The following DOCK10 variants were observed in gnomAD, a reference collection of about 807,000 sequenced individuals.
DOCK10 encodes the protein dedicator of cytokinesis 10.
A neutral mutation model predicts 280.1 loss-of-function variants in DOCK10; 145 were observed. That is an observed-to-expected ratio of 0.52 (90% CI 0.45 to 0.59). The LOEUF (loss-of-function observed/expected upper bound fraction) is 0.59. Ranked by LOEUF, DOCK10 falls within the 20% of genes least tolerant of loss-of-function variation. The pLI, the probability that DOCK10 is intolerant of heterozygous loss-of-function variation, is 0.00. For missense variants in DOCK10, 2,368 were observed against 2,651.7 expected, an observed-to-expected ratio of 0.89 and a Z score of 2.35; for synonymous variants, 915 against 942.2, an observed-to-expected ratio of 0.97 and a Z score of 0.53.
At chr2:224,917,194 C>T (rs1205875028) in intron 2 of DOCK10, among the ~76,000 whole-genome samples, 1 of 145,328 alleles carries the variant, frequency 6.9e-6, no homozygotes, top group East Asian at 2.1e-4. Context: ...CAACCTCCGC[C>T]TCCCAGGTTC....
chr2:224,899,750 CT>C (rs1308171011), intron 3 of DOCK10, among the ~76,000 whole-genome samples: 7 of 152,128 alleles, frequency 4.6e-5, no homozygotes, highest in Non-Finnish European at 8.8e-5. Context: ...TACTCTCCCC[CT>C]ATACCACCCT....
intron 1 of DOCK10, among the ~76,000 whole-genome samples, chr2:225,006,674 T>C (rs1689264630): frequency 6.6e-6 from 1 of 152,208 alleles, no homozygotes; most frequent in Admixed American, 6.5e-5. Flanking sequence ...CTTATTTGTA[T>C]TGATGGTTTC....
At position 224,864,855 on chromosome 2, in the gene DOCK10, C is replaced by CA; in HGVS notation, c.1479+10dup. On this transcript the variant is annotated intron_variant, in intron 12 of 55. Coordinates refer to ENST00000258390, the MANE Select transcript of DOCK10 (RefSeq NM_014689.3). The stretch of plus-strand genomic sequence containing the variant: ...CATTTTCCATCTCATCACAAGTAAA[C>CA]AAAGTGCCACCTGCTTTGGAAATTT... 2 of 1,613,766 alleles carry CA rather than the reference C, an allele frequency of 1.2e-6. No homozygotes were observed. Among genetic ancestry groups the CA allele is most frequent in the South Asian group, 2.2e-5 (2 of 91,082 alleles).
At chr2:224,795,167 T>A in intron 44 of DOCK10, 73 bp from the exon 45 acceptor site, 1 of 1,336,000 alleles carries the variant, frequency 7.5e-7, no homozygotes, top group Non-Finnish European at 1.1e-6. Flanking sequence ...GTTATGCTAT[T>A]AATTATGGCT....
intron 4 of DOCK10, among the ~76,000 whole-genome samples, chr2:224,895,926 A>AAGTAAC (rs548345627): frequency 5.9e-4 from 89 of 152,128 alleles, no homozygotes; most frequent in South Asian, 8.3e-4. Context: ...TACATGAAAC[A>AAGTAAC]AGTAACAAAT....
rs551542744 is a variant in DOCK10 at position 224,835,997 on chromosome 2, C to A, written c.2851-1734G>T. The stretch of plus-strand genomic sequence containing the variant: ...TCCAGGAGCGTCACCGGTAGAAAGT[C>A]TGAGATTTGAGGTATTCACAAAGAG... On this transcript the variant is annotated intron_variant, in intron 25 of 55. Coordinates refer to ENST00000258390, the MANE Select transcript of DOCK10 (RefSeq NM_014689.3). Among the ~76,000 whole-genome samples the A allele has an allele frequency of 3.3e-5, 5 of 152,292 alleles. No homozygotes were observed. In the South Asian group the frequency reaches 1.0e-3, roughly 32 times the overall value.
chr2:224,821,268 T>A (rs1385383223), intron 28 of DOCK10, among the ~76,000 whole-genome samples: 1 of 152,214 alleles, frequency 6.6e-6, no homozygotes, highest in Non-Finnish European at 1.5e-5. Flanking sequence ...GGAGTTACAA[T>A]AATATTTTAA....
At chr2:224,957,909 C>T (rs1229203624) in intron 1 of DOCK10, among the ~76,000 whole-genome samples, 2 of 152,170 alleles carry the variant, frequency 1.3e-5, no homozygotes, top group African/African-American at 4.8e-5. Context: ...AAACTGGTCA[C>T]CTAGGCAAAG....
chr2:224,898,776 C>T (rs1559699465), intron 3 of DOCK10, among the ~76,000 whole-genome samples: 2 of 152,100 alleles, frequency 1.3e-5, no homozygotes, highest in Non-Finnish European at 2.9e-5. Context: ...CGGGGTTCAC[C>T]GTGTTAGCCA....
At chr2:225,025,362 TG>T (rs1237624601) in intron 1 of DOCK10, among the ~76,000 whole-genome samples, 1 of 152,188 alleles carries the variant, frequency 6.6e-6, no homozygotes, top group African/African-American at 2.4e-5. Context: ...AGATCCAAGG[TG>T]TTCCATGCTA....
At chr2:224,864,707 G>A (rs763573127) in intron 12 of DOCK10, 32 bp from the exon 13 acceptor site, 3 of 1,593,438 alleles carry the variant, frequency 1.9e-6, no homozygotes, top group South Asian at 2.3e-5. Flanking sequence ...AATAAGCATG[G>A]AAGAAACCAC....
At chr2:225,041,908 C>T (rs1559995162) in intron 1 of DOCK10, among the ~76,000 whole-genome samples, 1 of 152,174 alleles carries the variant, frequency 6.6e-6, no homozygotes, top group African/African-American at 2.4e-5. Flanking sequence ...GTCTCTGGCA[C>T]TCGTATCACT....
intron 1 of DOCK10, among the ~76,000 whole-genome samples, chr2:224,941,409 A>C (rs1363631748): frequency 6.6e-6 from 1 of 152,220 alleles, no homozygotes; most frequent in Non-Finnish European, 1.5e-5. Context: ...GGATTCTGGA[A>C]TAGAGCTGTG....
intron 3 of DOCK10, among the ~76,000 whole-genome samples, chr2:224,914,275 C>T (rs1163936205): frequency 1.3e-5 from 2 of 151,822 alleles, no homozygotes; most frequent in African/African-American, 4.8e-5. Context: ...TTGTTCATTC[C>T]AGAACACAGA....
Position 224,817,540 on chromosome 2 carries a change from A to G in DOCK10, c.3268-827T>C, listed in dbSNP as rs374498589. Among the ~76,000 whole-genome samples, 9 of 152,358 alleles carry G rather than the reference A, an allele frequency of 5.9e-5. No individual in the cohort carries two copies. In the East Asian group the frequency reaches 9.6e-4, roughly 16 times the overall value. On this transcript the variant is annotated intron_variant, in intron 29 of 55. Coordinates refer to ENST00000258390, the MANE Select transcript of DOCK10 (RefSeq NM_014689.3). Reference sequence around the variant, plus strand: ...AAATACTGCCATTTCAAAAAGGATAATATTTGACTTAAACCTTTGTACATC... The same window carrying G: ...AAATACTGCCATTTCAAAAAGGATAGTATTTGACTTAAACCTTTGTACATC...
chr2:225,006,398 C>T (rs909986033), intron 1 of DOCK10, among the ~76,000 whole-genome samples: 1 of 152,228 alleles, frequency 6.6e-6, no homozygotes, highest in Non-Finnish European at 1.5e-5. Context: ...TAATCAGGCT[C>T]TTATCTGCTA....
intron 1 of DOCK10, among the ~76,000 whole-genome samples, chr2:224,945,582 C>T (rs748053593): frequency 9.9e-5 from 15 of 151,932 alleles, no homozygotes; most frequent in African/African-American, 7.3e-5. Context: ...ATCAAGTTAC[C>T]GTCAACTAAT....
chr2:224,795,448 A>G (rs554051870), intron 44 of DOCK10, among the ~76,000 whole-genome samples: 1 of 152,322 alleles, frequency 6.6e-6, no homozygotes, highest in Non-Finnish European at 1.5e-5. Flanking sequence ...GGCCTGGCCA[A>G]TTCTATTTTT....
intron 3 of DOCK10, among the ~76,000 whole-genome samples, chr2:224,906,720 C>A (rs1014600832): frequency 6.6e-6 from 1 of 152,208 alleles, no homozygotes; most frequent in African/African-American, 2.4e-5. Context: ...ACCTGGTGAT[C>A]CGCCCGCCTT....
Sources: gnomAD v4.1 joint callset for allele counts (sites outside exome capture counted in the v4.1 genomes callset) on GRCh38, gnomAD v4.1.1 for gene constraint, MANE v1.5 for transcripts, NCBI Gene and HGNC (gene_info 2026-07-23, HGNC 2026-07-21) for gene names.